CAST: variants seen among roughly 807,000 people sequenced by gnomAD.
CAST encodes MIR583 host.
A neutral mutation model predicts 119.6 loss-of-function variants in CAST; 76 were observed. The observed-to-expected ratio is 0.64, with a 90% CI of 0.53 to 0.77. The LOEUF (loss-of-function observed/expected upper bound fraction) is 0.77, where lower values mean the gene tolerates loss of function less well. Among genes scored for constraint, CAST ranks in the 30% least tolerant of loss-of-function variants. CAST has a pLI of 0.00. For synonymous variants in CAST, 319 were observed against 331.6 expected, an observed-to-expected ratio of 0.96 and a Z score of 0.41; for missense variants, 953 against 946.5, an observed-to-expected ratio of 1.01 and a Z score of -0.09.
the CAST span, among the ~76,000 whole-genome samples, chr5:96,461,346 A>G: frequency 6.6e-5 from 10 of 152,024 alleles, no homozygotes; most frequent in Admixed American, 4.6e-4. Flanking sequence ...TTTTATCTGG[A>G]CTTCTTTTTG....
chr5:96,350,745 C>A, the CAST span, among the ~76,000 whole-genome samples: 3 of 152,056 alleles, frequency 2.0e-5, no homozygotes, highest in Non-Finnish European at 4.4e-5. Context: ...CTCCATGTGC[C>A]CCCAAATATC....
upstream of CAST, chr5:96,529,702 G>C: frequency 3.1e-6 from 1 of 324,584 alleles, no homozygotes; most frequent in South Asian, 2.4e-5. Context: ...TGAATCGTGG[G>C]GGCAGTTTCC....
the CAST span, among the ~76,000 whole-genome samples, chr5:96,431,200 T>A: frequency 6.6e-5 from 10 of 152,124 alleles, no homozygotes; most frequent in Admixed American, 6.6e-4. Context: ...GTCTCAAAAA[T>A]TCCTAATAAT....
chr5:96,075,023 T>G, the CAST span, among the ~76,000 whole-genome samples: 1 of 152,204 alleles, frequency 6.6e-6, no homozygotes, highest in Non-Finnish European at 1.5e-5. Context: ...CAGGAAGTGG[T>G]CTGCCAGGAA....
chr5:96,622,401 A>G (rs1747629656), intron 1 of CAST, among the ~76,000 whole-genome samples: 1 of 152,198 alleles, frequency 6.6e-6, no homozygotes, highest in Non-Finnish European at 1.5e-5. Flanking sequence ...CCTCTGGGTG[A>G]ATTTCAGCCT....
At chr5:96,278,198 G>A in the CAST span, among the ~76,000 whole-genome samples, 1 of 152,118 alleles carries the variant, frequency 6.6e-6, no homozygotes, top group Admixed American at 6.5e-5. Context: ...GTGATTTCAG[G>A]AGACATCTAG....
chr5:95,992,655 T>G, the CAST span, among the ~76,000 whole-genome samples: 1 of 152,158 alleles, frequency 6.6e-6, no homozygotes, highest in Non-Finnish European at 1.5e-5. Context: ...CATGGAAAAC[T>G]GGTGAAATCC....
chr5:96,237,276 C>A, the CAST span, among the ~76,000 whole-genome samples: 1 of 152,136 alleles, frequency 6.6e-6, no homozygotes, highest in Admixed American at 6.5e-5. Flanking sequence ...GAATGGTGAG[C>A]TACCCTAGAA....
chr5:96,398,003 A>G, the CAST span, among the ~76,000 whole-genome samples: 3 of 152,160 alleles, frequency 2.0e-5, no homozygotes, highest in Non-Finnish European at 2.9e-5. Context: ...AATCTCTTAT[A>G]TTAAAAGACA....
the CAST span, among the ~76,000 whole-genome samples, chr5:96,167,874 C>T: frequency 6.6e-6 from 1 of 152,108 alleles, no homozygotes; most frequent in Non-Finnish European, 1.5e-5. Flanking sequence ...GCCCGAGCTT[C>T]ATGTGTAGGG....
chr5:96,340,324 A>G, the CAST span, among the ~76,000 whole-genome samples: 22 of 152,240 alleles, frequency 1.4e-4, no homozygotes, highest in Non-Finnish European at 2.6e-4. Context: ...CTTGATGCTG[A>G]AAGCAGCTCG....
chr5:96,325,329 G>T, the CAST span, among the ~76,000 whole-genome samples: 1 of 151,940 alleles, frequency 6.6e-6, no homozygotes, highest in South Asian at 2.1e-4. Flanking sequence ...ATAAATTTGG[G>T]ATGTAAAATC....
At chr5:96,028,841 A>T in the CAST span, among the ~76,000 whole-genome samples, 2 of 151,810 alleles carry the variant, frequency 1.3e-5, no homozygotes, top group South Asian at 4.2e-4. Flanking sequence ...GGGAAGAATT[A>T]AAAAAAAACT....
At chr5:96,371,996 GT>G in the CAST span, among the ~76,000 whole-genome samples, 2 of 151,934 alleles carry the variant, frequency 1.3e-5, no homozygotes, top group Non-Finnish European at 2.9e-5. Flanking sequence ...GATTAACTTT[GT>G]TTTTTTAAAC....
the CAST span, among the ~76,000 whole-genome samples, chr5:96,398,095 G>A: frequency 6.6e-6 from 1 of 152,018 alleles, no homozygotes; most frequent in Non-Finnish European, 1.5e-5. Flanking sequence ...ATAACTGCAG[G>A]TCTATCAATT....
the CAST span, chr5:96,397,397 A>C: frequency 6.2e-7 from 1 of 1,611,428 alleles, no homozygotes; most frequent in African/African-American, 1.3e-5. Context: ...GTGAACAGAC[A>C]TGAAGTCCCA....
the CAST span, chr5:96,393,006 T>G: frequency 7.5e-5 from 121 of 1,614,142 alleles, no homozygotes; most frequent in African/African-American, 1.4e-3. Context: ...TTATTTTAAT[T>G]TTCCTCATTC....
the CAST span, among the ~76,000 whole-genome samples, chr5:96,254,465 T>A: frequency 6.6e-6 from 1 of 152,192 alleles, no homozygotes; most frequent in African/African-American, 2.4e-5. Context: ...TTCAAGTAGC[T>A]TTTATTTCTC....
chr5:96,247,759 C>A, the CAST span: 1 of 152,174 alleles, frequency 6.6e-6, no homozygotes, highest in African/African-American at 2.4e-5. Flanking sequence ...GAAACACAAG[C>A]CTTTTCTGTG....
Sources: gnomAD v4.1 joint callset for allele counts (sites outside exome capture counted in the v4.1 genomes callset) on GRCh38, gnomAD v4.1.1 for gene constraint, MANE v1.5 for transcripts, NCBI Gene and HGNC (gene_info 2026-07-23, HGNC 2026-07-21) for gene names.